Variants in MGST1 observed in about 807,000 individuals in gnomAD.
MGST1 encodes glutathione S-transferase 12.
A neutral mutation model predicts 8.9 loss-of-function variants in MGST1; 5 were observed. The ratio of observed to expected loss-of-function variants is 0.56; its 90% confidence interval spans 0.29 to 1.19. The LOEUF (loss-of-function observed/expected upper bound fraction) is 1.19. Ranked by LOEUF, MGST1 falls within the 50% of genes most tolerant of loss-of-function variation. The pLI, the probability that MGST1 is intolerant of heterozygous loss-of-function variation, is 0.08. For synonymous variants in MGST1, 54 were observed against 67.8 expected (o/e 0.80, Z 1.00); for missense variants, 182 against 187.4 (o/e 0.97, Z 0.17).
intron 4 of MGST1, among the ~76,000 whole-genome samples, chr12:16,446,839 G>T (rs1300543900): frequency 6.6e-6 from 1 of 151,312 alleles, no homozygotes; most frequent in Non-Finnish European, 1.5e-5. Context: ...TAAATGCTTG[G>T]GGAACAGAGC....
chr12:16,399,386 A>T, intron 1 of MGST1: 1 of 1,521,212 alleles, frequency 6.6e-7, no homozygotes. Flanking sequence ...TCTGGCTCAT[A>T]CTTCGACTTT....
At chr12:16,374,926 G>A (rs1260543102) in intron 3 of MGST1, among the ~76,000 whole-genome samples, 1 of 152,164 alleles carries the variant, frequency 6.6e-6, no homozygotes, top group Non-Finnish European at 1.5e-5. Context: ...TGTTGCCCAT[G>A]CTGAAGTGCA....
At chr12:16,378,208 T>C (rs1156788252), downstream of MGST1, among the ~76,000 whole-genome samples, 7 of 152,210 alleles carry the variant, frequency 4.6e-5, no homozygotes, top group Non-Finnish European at 1.5e-5. Flanking sequence ...GTTTTAGACA[T>C]GAAGTCCTTG....
rs888908720 is a variant in MGST1 at position 16,537,303 on chromosome 12, C to A, written n.483-52225C>A. On this transcript the variant is annotated intron_variant and non_coding_transcript_variant, in intron 4 of 4. Transcript: ENST00000538857. This position sits in a 1 kb window ranked among gnomAD's most constrained non-coding sequence, Gnocchi z 4.6. ...AGAGGTAGGTTCCCATAGTCTTGGGCAACTCCACCCCTATGGCTTTGCAGG... is the reference window on the plus strand; with the variant it reads ...AGAGGTAGGTTCCCATAGTCTTGGGAAACTCCACCCCTATGGCTTTGCAGG... Among the ~76,000 whole-genome samples, 11 of 152,352 alleles carry A rather than the reference C, an allele frequency of 7.2e-5. No homozygotes were observed. In the South Asian group the frequency reaches 2.1e-3, roughly 29 times the overall value.
rs1405650425 is a variant in MGST1, at chr12:16,399,355, T to G, written n.778+15751T>G. 5 of 1,539,534 alleles carry G rather than the reference T, an allele frequency of 3.2e-6. No homozygotes were observed. The East Asian group carries it at 9.0e-5, about 28-fold the overall frequency. ...CCACGGTTAGAGCCATGGCCCAAAC[T>G]GTGCACAGATGCCTTCCTCTTCTGG... On this transcript the variant is annotated intron_variant and non_coding_transcript_variant, in intron 1 of 1. Coordinates refer to the MGST1 transcript ENST00000359720.
intron 4 of MGST1, chr12:16,551,135 T>A: frequency 1.2e-6 from 1 of 858,656 alleles, no homozygotes. Context: ...ATTCAGTAGG[T>A]TCCTGTGTCA....
chr12:16,364,073 T>C lies in MGST1; in HGVS notation c.*32T>C, dbSNP rs1940131722. ...TCATACAACTCAGCATCCAGTTGGC[T>C]TTTTAAGAATTCTGTACTTCCAATT... On this transcript the variant is annotated 3_prime_UTR_variant, in exon 4 of 4. Coordinates refer to ENST00000396210, the MANE Select transcript of MGST1 (RefSeq NM_020300.5). This position sits in a 1 kb window ranked among gnomAD's most constrained non-coding sequence, Gnocchi z 5.7. The C allele has an allele frequency of 6.4e-7, 1 of 1,553,898 alleles. No individual in the cohort carries two copies.
chr12:16,515,591 T>A (rs527535975), intron 4 of MGST1, among the ~76,000 whole-genome samples: 10 of 145,406 alleles, frequency 6.9e-5, no homozygotes, highest in Non-Finnish European at 1.5e-4. Context: ...GATCGTGCCA[T>A]TGCACTCCAG....
At chr12:16,408,541 C>T (rs1940715361) in intron 1 of MGST1, among the ~76,000 whole-genome samples, 1 of 152,094 alleles carries the variant, frequency 6.6e-6, no homozygotes, top group South Asian at 2.1e-4. Flanking sequence ...CCAACTGTAC[C>T]TCTTTTAAAA....
intron 1 of MGST1, among the ~76,000 whole-genome samples, chr12:16,390,798 A>AT (rs1276376951): frequency 6.6e-6 from 1 of 151,934 alleles, no homozygotes; most frequent in Non-Finnish European, 1.5e-5. Context: ...TAGTAGAATT[A>AT]TTTGTATTGT....
In MGST1 at chr12:16,513,917, A is replaced by G. The variant is rs1217870390; in HGVS notation, n.483-75611A>G. ...GATACTGGCATGCAGCTACAAGGTT[A>G]TCGATACTATGACCGCAAGACTTGC... is the stretch of plus-strand genomic sequence containing the variant. On this transcript the variant is annotated intron_variant and non_coding_transcript_variant, in intron 4 of 4. Coordinates refer to the MGST1 transcript ENST00000538857. The surrounding 1 kb of genome is among the most constrained non-coding windows in gnomAD (Gnocchi z 4.2). The G allele has an allele frequency of 3.5e-6, 2 of 579,628 alleles. No individual in the cohort carries two copies. Among genetic ancestry groups the G allele is most frequent in the African/African-American group, 3.8e-5 (2 of 53,006 alleles). 35.9% of individuals were successfully genotyped at this position (579,628 alleles called of 1,614,324 possible). A position where few individuals can be genotyped will look rare whatever the true frequency, so the allele number is the denominator to read the frequency against.
At chr12:16,400,459 C>T in intron 1 of MGST1, 1 of 798,328 alleles carries the variant, frequency 1.3e-6, no homozygotes, top group Non-Finnish European at 2.3e-6. Flanking sequence ...GGAATTACTC[C>T]AGTTTAGATT....
intron 3 of MGST1, among the ~76,000 whole-genome samples, chr12:16,359,159 G>A (rs1371595307): frequency 6.6e-6 from 1 of 152,140 alleles, no homozygotes; most frequent in Non-Finnish European, 1.5e-5. Context: ...ATTTTAAGTT[G>A]TATGTTATTT....
At chr12:16,448,424 G>A (rs1355160977) in intron 4 of MGST1, among the ~76,000 whole-genome samples, 2 of 151,652 alleles carry the variant, frequency 1.3e-5, no homozygotes, top group South Asian at 2.1e-4. Flanking sequence ...CATCAGCTAA[G>A]CAAGGGCAGG....
At chr12:16,533,765 G>A (rs191432408) in intron 4 of MGST1, among the ~76,000 whole-genome samples, 4 of 152,092 alleles carry the variant, frequency 2.6e-5, no homozygotes, top group Non-Finnish European at 5.9e-5. Context: ...TCACAGTAAC[G>A]TGAATGTGGT....
intron 4 of MGST1, among the ~76,000 whole-genome samples, chr12:16,583,371 A>C (rs924717210): frequency 2.0e-5 from 3 of 152,168 alleles, no homozygotes; most frequent in Admixed American, 6.5e-5. Flanking sequence ...TTGAGGGATA[A>C]AGCATCTTTT....
Position 16,587,651 on chromosome 12 carries a change from C to G in MGST1, n.483-1877C>G, listed in dbSNP as rs1943362463. Among the ~76,000 whole-genome samples, 1 of 151,988 alleles carries G rather than the reference C, an allele frequency of 6.6e-6. No homozygotes were observed. The highest frequency in any genetic ancestry group is 1.5e-5 in the Non-Finnish European group (1 of 67,962). ...GCAATGGACCCTATAATAGCAAGCA[C>G]TGGTCTGTCAGGAGTGCATTTTAAC... On this transcript the variant is annotated intron_variant and non_coding_transcript_variant, in intron 4 of 4. Coordinates refer to the MGST1 transcript ENST00000538857. This position sits in a 1 kb window ranked among gnomAD's most constrained non-coding sequence, Gnocchi z 4.3.
upstream of MGST1, among the ~76,000 whole-genome samples, chr12:16,382,543 C>T (rs566975836): frequency 9.9e-5 from 15 of 152,134 alleles, no homozygotes; most frequent in Non-Finnish European, 1.6e-4. Flanking sequence ...TGTCAGTCCG[C>T]CCCTACTGGG....
intron 4 of MGST1, among the ~76,000 whole-genome samples, chr12:16,496,120 C>T (rs1018649126): frequency 3.3e-5 from 5 of 152,102 alleles, no homozygotes; most frequent in African/African-American, 1.2e-4. Context: ...TATATACTCA[C>T]GTCCAGCCCA....
Sources: allele counts gnomAD v4.1 joint callset (sites outside exome capture counted in the v4.1 genomes callset), GRCh38; gene constraint gnomAD v4.1.1; non-coding constraint Gnocchi (gnomAD v3.1); transcripts MANE v1.5; gene names NCBI Gene and HGNC (gene_info 2026-07-23, HGNC 2026-07-21).